Variants in USP15 observed in about 807,000 individuals in gnomAD.
The protein encoded by USP15 is ubiquitin specific peptidase 15.
Under a neutral mutation model 127.1 loss-of-function variants are expected in USP15, and 18 were observed. The ratio of observed to expected loss-of-function variants is 0.14; its 90% CI spans 0.10 to 0.21. The LOEUF (loss-of-function observed/expected upper bound fraction) is 0.21. Among genes scored for constraint, USP15 ranks in the 10% least tolerant of loss-of-function variants. The probability of loss-of-function intolerance (pLI) is 1.00; values close to 1 mark genes in which losing one functional copy is unlikely to be tolerated. For synonymous variants in USP15, 364 were observed against 393.7 expected, an observed-to-expected ratio of 0.92 and a Z score of 0.89; for missense variants, 805 against 1,159.9, an observed-to-expected ratio of 0.69 and a Z score of 4.44.
intron 6 of USP15, among the ~76,000 whole-genome samples, chr12:62,328,647 A>T (rs1181606234): frequency 3.3e-5 from 5 of 151,114 alleles, no homozygotes; most frequent in Non-Finnish European, 5.9e-5. Context: ...CCTGTTCAAA[A>T]TTTTTTTTTT....
intron 6 of USP15, among the ~76,000 whole-genome samples, chr12:62,338,745 G>A (rs2065558213): frequency 6.6e-6 from 1 of 152,092 alleles, no homozygotes; most frequent in Non-Finnish European, 1.5e-5. Context: ...CCTATTGCTT[G>A]TATTTGTCAG....
In USP15 at chr12:62,406,561, G is replaced by C. The variant is rs1243570201; in HGVS notation, c.*2186G>C. 2.0e-5 allele frequency: 3 copies of C among 152,188 alleles called. No individual in the cohort carries two copies. Among genetic ancestry groups the C allele is most frequent in the Admixed American group, 2.0e-4 (3 of 15,280 alleles). The allele number at this position is 152,188 out of a possible 1,614,324, so 9.4% of individuals were successfully genotyped here. ...AACTTCTGTTCCCACTAAAAGAAGT[G>C]ATGTTAATAATGCCATTGAAACTGC... On this transcript the variant is annotated 3_prime_UTR_variant, in exon 22 of 22. Transcript: ENST00000280377.
chr12:62,348,157 G>A (rs1257368862), intron 6 of USP15, among the ~76,000 whole-genome samples: 2 of 152,158 alleles, frequency 1.3e-5, no homozygotes, highest in Non-Finnish European at 2.9e-5. Context: ...GCAGTGAGCT[G>A]TGATTGTGTC....
At chr12:62,347,880 A>G (rs563738254) in intron 6 of USP15, among the ~76,000 whole-genome samples, 3 of 152,160 alleles carry the variant, frequency 2.0e-5, no homozygotes, top group African/African-American at 7.2e-5. Context: ...TTTTTTTCTA[A>G]GATTTTATAA....
chr12:62,396,501 G>A (rs1224353552), intron 20 of USP15, 103 bp downstream of exon 20: 2 of 996,198 alleles, frequency 2.0e-6, no homozygotes, highest in Admixed American at 3.9e-5. Flanking sequence ...AATATCAGAT[G>A]TGTCTTGCAT....
intron 8 of USP15, among the ~76,000 whole-genome samples, chr12:62,358,963 T>C (rs1388981281): frequency 6.6e-6 from 1 of 152,132 alleles, no homozygotes; most frequent in Non-Finnish European, 1.5e-5. Flanking sequence ...CCCCTGTGGA[T>C]ACCAAGAACA....
intron 20 of USP15, among the ~76,000 whole-genome samples, chr12:62,400,855 A>G (rs2067663879): frequency 6.6e-6 from 1 of 152,056 alleles, no homozygotes; most frequent in African/African-American, 2.4e-5. Context: ...GAGACAATAC[A>G]TGTAAAGTGC....
chr12:62,285,199 A>G (rs2063754984), intron 1 of USP15, among the ~76,000 whole-genome samples: 1 of 152,160 alleles, frequency 6.6e-6, no homozygotes, highest in African/African-American at 2.4e-5. Context: ...TAATGTAGCC[A>G]TCAGCTGAAT....
At position 62,349,215 on chromosome 12, in the gene USP15, T is replaced by C; in HGVS notation, c.684-6T>C. ...TATCTAATTTAACATTTTCATATTT[T>C]TAAAGGTCCCCAGGTGCATCCAATT... On this transcript the variant is annotated splice_region_variant and splice_polypyrimidine_tract_variant and intron_variant, in intron 6 of 21. Transcript: ENST00000280377. 1 of 1,442,244 alleles carries C rather than the reference T, an allele frequency of 6.9e-7. No homozygotes were observed. The highest frequency in any genetic ancestry group is 9.1e-7 in the Non-Finnish European group (1 of 1,098,116). 89.3% of individuals were successfully genotyped at this position (1,442,244 alleles called of 1,614,324 possible).
chr12:62,408,967 T>C lies in USP15; in HGVS notation c.*4592T>C, dbSNP rs2067966391. On this transcript the variant is annotated 3_prime_UTR_variant, in exon 22 of 22. Transcript: ENST00000280377. ...TATTTTATAAGCTACATAGAATACA[T>C]CAAAATTTTATAAGCTGCATAGAAT... The C allele has an allele frequency of 6.6e-6, 1 of 152,040 alleles. No homozygotes were observed. Among genetic ancestry groups the C allele is most frequent in the African/African-American group, 2.4e-5 (1 of 41,418 alleles). The allele number at this position is 152,040 out of a possible 1,614,324, so 9.4% of individuals were successfully genotyped here.
At chr12:62,347,195 A>G (rs546937802) in intron 6 of USP15, among the ~76,000 whole-genome samples, 1 of 152,082 alleles carries the variant, frequency 6.6e-6, no homozygotes, top group Non-Finnish European at 1.5e-5. Flanking sequence ...CTGAAAATAC[A>G]AATTAATTCC....
intron 20 of USP15, among the ~76,000 whole-genome samples, chr12:62,399,626 A>AT (rs937648489): frequency 2.3e-4 from 35 of 151,650 alleles, no homozygotes; most frequent in Middle Eastern, 3.4e-3. Context: ...AGGGTTCTCA[A>AT]TTTTTTTTTG....
chr12:62,396,225 G>A, intron 19 of USP15, 70 bp from the exon 20 acceptor site: 1 of 1,225,892 alleles, frequency 8.2e-7, no homozygotes, highest in Non-Finnish European at 1.1e-6. Flanking sequence ...AAACAACAAT[G>A]GCAGAAGGGA....
At chr12:62,337,111 T>C (rs1002979611) in intron 6 of USP15, among the ~76,000 whole-genome samples, 1 of 152,196 alleles carries the variant, frequency 6.6e-6, no homozygotes, top group Non-Finnish European at 1.5e-5. Flanking sequence ...CGCCTAAGTA[T>C]TGGGAAGCTG....
intron 8 of USP15, among the ~76,000 whole-genome samples, chr12:62,378,791 C>T (rs570355025): frequency 2.0e-5 from 3 of 152,110 alleles, no homozygotes; most frequent in East Asian, 1.9e-4. Flanking sequence ...TATATTTTTC[C>T]TCCATTTAGT....
chr12:62,355,569 A>G, intron 8 of USP15, 94 bp downstream of exon 8: 1 of 1,355,724 alleles, frequency 7.4e-7, no homozygotes, highest in Non-Finnish European at 9.9e-7. Context: ...ACATGAGTAT[A>G]TGTTTTGAAA....
intron 2 of USP15, among the ~76,000 whole-genome samples, chr12:62,295,577 C>G (rs1022969083): frequency 6.6e-6 from 1 of 152,050 alleles, no homozygotes; most frequent in African/African-American, 2.4e-5. Context: ...AAAAACAAAT[C>G]TCCCCCACAA....
rs990700974 is a variant in USP15, at chr12:62,412,769, C to T, written c.*8394C>T. 2.0e-5 allele frequency: 3 copies of T among 152,248 alleles called. No individual in the cohort carries two copies. The highest frequency in any genetic ancestry group is 7.2e-5 in the African/African-American group (3 of 41,464). The allele number at this position is 152,248 out of a possible 1,614,324, so 9.4% of individuals were successfully genotyped here. On this transcript the variant is annotated 3_prime_UTR_variant, in exon 22 of 22. Coordinates refer to ENST00000280377, the MANE Select transcript of USP15 (RefSeq NM_001252078.2). The stretch of plus-strand genomic sequence containing the variant: ...TCTCTTGCTATTTTCACCGCATCTG[C>T]AGTTACTGCCGCCACTGAGGTTTTG...
rs1319744343 is a variant in USP15, at chr12:62,407,881, T to C, written c.*3506T>C. On this transcript the variant is annotated 3_prime_UTR_variant, in exon 22 of 22. Transcript: ENST00000280377. ...CTCAGCCTTATAATTTAGTTTTAATTAACCTCCTTGAAAAAGTTGCAGCCT... is the reference window on the plus strand; with the variant it reads ...CTCAGCCTTATAATTTAGTTTTAATCAACCTCCTTGAAAAAGTTGCAGCCT... 2.0e-5 allele frequency: 3 copies of C among 152,144 alleles called. No individual in the cohort carries two copies. Among genetic ancestry groups the C allele is most frequent in the African/African-American group, 7.2e-5 (3 of 41,432 alleles). 9.4% of individuals were successfully genotyped at this position (152,144 alleles called of 1,614,324 possible).
Sources: gnomAD v4.1 joint callset for allele counts (sites outside exome capture counted in the v4.1 genomes callset) on GRCh38, gnomAD v4.1.1 for gene constraint, MANE v1.5 for transcripts, NCBI Gene and HGNC (gene_info 2026-07-23, HGNC 2026-07-21) for gene names.